Variants in LINGO2 observed in about 807,000 individuals in gnomAD.
LINGO2 encodes the protein leucine rich repeat and Ig domain containing 2.
Under a neutral mutation model 30.6 loss-of-function variants are expected in LINGO2, and 14 were observed. That is an observed-to-expected ratio of 0.46 (90% confidence interval 0.30 to 0.72). The LOEUF is 0.72. LINGO2 is among the 30% of genes least tolerant of loss of function. LINGO2 has a pLI of 0.07. For synonymous variants in LINGO2, 317 were observed against 288.5 expected (o/e 1.10, Z -1.00); for missense variants, 729 against 751.7 (o/e 0.97, Z 0.35).
At chr9:28,953,551 G>T in the LINGO2 span, among the ~76,000 whole-genome samples, 1 of 151,884 alleles carries the variant, frequency 6.6e-6, no homozygotes, top group Non-Finnish European at 1.5e-5. Context: ...AAAAAATTAG[G>T]GGAGTGAGAC....
intron 4 of LINGO2, among the ~76,000 whole-genome samples, chr9:28,208,098 T>C (rs1050206985): frequency 4.6e-5 from 7 of 152,174 alleles, no homozygotes; most frequent in African/African-American, 1.4e-4. Context: ...GGTTTACTTT[T>C]TGTAAAAACT....
At chr9:28,766,768 G>C in the LINGO2 span, among the ~76,000 whole-genome samples, 2 of 146,488 alleles carry the variant, frequency 1.4e-5, no homozygotes, top group Non-Finnish European at 3.0e-5. Context: ...TAAGAGGAGA[G>C]GGAGGGAAAG....
chr9:28,476,369 G>A (rs547680440), intron 1 of LINGO2, among the ~76,000 whole-genome samples: 5 of 152,196 alleles, frequency 3.3e-5, no homozygotes, highest in African/African-American at 9.6e-5. Flanking sequence ...TCCGCCTCCC[G>A]GGTTCACGCC....
chr9:28,911,616 A>G, the LINGO2 span, among the ~76,000 whole-genome samples: 1 of 152,078 alleles, frequency 6.6e-6, no homozygotes, highest in East Asian at 1.9e-4. Context: ...GCCTTATTCA[A>G]TTTAATATAG....
At chr9:28,985,105 G>A in the LINGO2 span, among the ~76,000 whole-genome samples, 1 of 152,136 alleles carries the variant, frequency 6.6e-6, no homozygotes, top group East Asian at 1.9e-4. Context: ...ACATATAAGT[G>A]AAAACATGCA....
intron 1 of LINGO2, among the ~76,000 whole-genome samples, chr9:28,554,490 C>T (rs1456081879): frequency 2.7e-5 from 4 of 146,834 alleles, no homozygotes; most frequent in African/African-American, 7.7e-5. Flanking sequence ...AGCACCCAGA[C>T]TCATAAAGCA....
At chr9:28,782,457 G>A in the LINGO2 span, among the ~76,000 whole-genome samples, 2 of 152,086 alleles carry the variant, frequency 1.3e-5, no homozygotes, top group Non-Finnish European at 2.9e-5. Flanking sequence ...AGTCCCAGAG[G>A]AATAGCATGC....
chr9:28,016,682 T>TAAAAAAA (rs72138034), intron 4 of LINGO2, among the ~76,000 whole-genome samples: 10 of 115,320 alleles, frequency 8.7e-5, no homozygotes, highest in African/African-American at 3.4e-4. Context: ...ATTAAACCAG[T>TAAAAAAA]AAAAAAAAAA....
chr9:28,824,907 C>G, the LINGO2 span, among the ~76,000 whole-genome samples: 2 of 152,112 alleles, frequency 1.3e-5, no homozygotes, highest in East Asian at 3.9e-4. Context: ...ACTTGATCTC[C>G]TCTTCTTTTC....
intron 4 of LINGO2, among the ~76,000 whole-genome samples, chr9:28,090,576 G>C (rs1019283842): frequency 6.6e-5 from 10 of 152,030 alleles, no homozygotes; most frequent in African/African-American, 2.4e-4. Flanking sequence ...AAAATAATAA[G>C]AGCTATTTAT....
chr9:28,955,554 T>G, the LINGO2 span, among the ~76,000 whole-genome samples: 1 of 152,102 alleles, frequency 6.6e-6, no homozygotes, highest in African/African-American at 2.4e-5. Context: ...GGTGTCTTGG[T>G]GCATGAGAAC....
chr9:28,556,633 T>C (rs1267255016), intron 1 of LINGO2, among the ~76,000 whole-genome samples: 1 of 151,916 alleles, frequency 6.6e-6, no homozygotes, highest in African/African-American at 2.4e-5. Context: ...CTTCACAGAA[T>C]TGGAAAAAAC....
chr9:29,126,722 G>T, the LINGO2 span, among the ~76,000 whole-genome samples: 3 of 152,068 alleles, frequency 2.0e-5, no homozygotes, highest in Non-Finnish European at 2.9e-5. Flanking sequence ...ATTATGTAAA[G>T]TGCTTCTTCA....
chr9:28,026,692 G>A (rs1022038030), intron 4 of LINGO2, among the ~76,000 whole-genome samples: 9 of 151,900 alleles, frequency 5.9e-5, no homozygotes, highest in Admixed American at 5.2e-4. Context: ...ATTTTTTTGA[G>A]GTATCCCCTC....
chr9:28,952,419 C>A, the LINGO2 span, among the ~76,000 whole-genome samples: 1 of 152,042 alleles, frequency 6.6e-6, no homozygotes, highest in Admixed American at 6.6e-5. Context: ...TGCAATAATT[C>A]CTGCCATCTC....
chr9:28,238,161 G>GAGAGAC (rs1183713811), intron 4 of LINGO2, among the ~76,000 whole-genome samples: 5 of 151,002 alleles, frequency 3.3e-5, no homozygotes, highest in Non-Finnish European at 7.4e-5. Flanking sequence ...AAGAGAGAGA[G>GAGAGAC]AGAGAGAGAT....
intron 5 of LINGO2, among the ~76,000 whole-genome samples, chr9:27,972,177 TTC>T (rs1480544640): frequency 1.3e-5 from 2 of 152,204 alleles, no homozygotes; most frequent in South Asian, 2.1e-4. Flanking sequence ...GGAATCAAAC[TTC>T]TCTGTCTTGG....
Position 28,466,295 on chromosome 9 carries a change from G to A in LINGO2, c.-279+9645C>T, listed in dbSNP as rs184462612. ...GTACTATTCAGCCATAAAAAAGATG[G>A]CTGATCCCATCATTTGCAGTGACAT... On this transcript the variant is annotated intron_variant, in intron 2 of 5. Transcript: ENST00000379992. Among the ~76,000 whole-genome samples the A allele has an allele frequency of 1.4e-4, 22 of 152,314 alleles. No homozygotes were observed. The East Asian group carries it at 2.9e-3, about 20-fold the overall frequency.
At chr9:28,631,089 T>A (rs1826915735) in intron 1 of LINGO2, among the ~76,000 whole-genome samples, 5 of 152,012 alleles carry the variant, frequency 3.3e-5, no homozygotes, top group Admixed American at 3.3e-4. Flanking sequence ...AAATTATAAA[T>A]GAAATACCAG....
Sources: gnomAD v4.1 joint callset for allele counts (sites outside exome capture counted in the v4.1 genomes callset) on GRCh38, gnomAD v4.1.1 for gene constraint, MANE v1.5 for transcripts, NCBI Gene and HGNC (gene_info 2026-07-23, HGNC 2026-07-21) for gene names.